CACNA2D3: variants seen among roughly 807,000 people sequenced by gnomAD.
The protein encoded by CACNA2D3 is calcium voltage-gated channel auxiliary subunit alpha2delta 3.
Under a neutral mutation model 160.6 loss-of-function variants are expected in CACNA2D3, and 60 were observed. That is an observed-to-expected ratio of 0.37 (90% confidence interval 0.30 to 0.46). The LOEUF is 0.46. CACNA2D3 is among the 20% of genes least tolerant of loss of function. CACNA2D3 has a pLI of 1.00. For missense variants in CACNA2D3, 1,205 were observed against 1,365.0 expected, an observed-to-expected ratio of 0.88 and a Z score of 1.85; for synonymous variants, 558 against 492.9, an observed-to-expected ratio of 1.13 and a Z score of -1.75.
Position 54,171,136 on chromosome 3 carries a change from C to CTTTTTTTTTTTTTTTTTTTTTTT in CACNA2D3, c.204+47564_204+47565insTTTTTTTTTTTTTTTTTTTTTTT, listed in dbSNP as rs57761171. ...TCTGTTTACATTTTAAAGATGATGA[C>CTTTTTTTTTTTTTTTTTTTTTTT]TTTTTTTTTTTTTTTTTTTTTTAGG... On this transcript the variant is annotated intron_variant, in intron 2 of 37. Transcript: ENST00000474759. Among the ~76,000 whole-genome samples, 37 of 62,558 alleles carry CTTTTTTTTTTTTTTTTTTTTTTT rather than the reference C, an allele frequency of 5.9e-4. 5 individuals are homozygous for CTTTTTTTTTTTTTTTTTTTTTTT. Among genetic ancestry groups the CTTTTTTTTTTTTTTTTTTTTTTT allele is most frequent in the African/African-American group, 7.2e-4 (13 of 18,058 alleles). The allele number at this position is 62,558 out of a possible 152,430, so 41.0% of individuals were successfully genotyped here.
rs771678624 is a variant in CACNA2D3 at position 55,009,481 on chromosome 3, G to C, written c.2875+38G>C. The stretch of plus-strand genomic sequence containing the variant: ...TGGTTTCTGTTTCCCAGCTTGGAGG[G>C]ATAAGCGCTGGGTTCACTGGCTACT... On this transcript the variant is annotated intron_variant, in intron 34 of 37. Transcript: ENST00000474759. 4 of 1,579,716 alleles carry C rather than the reference G, an allele frequency of 2.5e-6. No homozygotes were observed. The South Asian group carries it at 4.4e-5, about 17-fold the overall frequency.
intron 2 of CACNA2D3, among the ~76,000 whole-genome samples, chr3:54,132,686 G>T (rs1346405282): frequency 6.6e-6 from 1 of 152,180 alleles, no homozygotes; most frequent in Non-Finnish European, 1.5e-5. Context: ...TACTTAGAAA[G>T]AAATCAGAGG....
intron 5 of CACNA2D3, among the ~76,000 whole-genome samples, chr3:54,545,649 G>T (rs970720137): frequency 6.6e-6 from 1 of 152,010 alleles, no homozygotes; most frequent in Non-Finnish European, 1.5e-5. Context: ...CAAATTTCTT[G>T]TACAACAATA....
intron 11 of CACNA2D3, among the ~76,000 whole-genome samples, chr3:54,740,007 A>G (rs1701618080): frequency 6.6e-6 from 1 of 152,062 alleles, no homozygotes; most frequent in Non-Finnish European, 1.5e-5. Context: ...TTTAGTATCT[A>G]GCATTTCCAG....
At chr3:54,214,099 A>G (rs150010337) in intron 2 of CACNA2D3, among the ~76,000 whole-genome samples, 82 of 152,336 alleles carry the variant, frequency 5.4e-4, no homozygotes, top group African/African-American at 1.7e-3. Context: ...CCTTCAGAGC[A>G]TCTCGTGGTG....
intron 30 of CACNA2D3, 134 bp from the exon 31 acceptor site, chr3:54,987,549 C>A: frequency 1.8e-6 from 1 of 566,290 alleles, no homozygotes; most frequent in East Asian, 3.0e-5. Context: ...CTGTTAAAAC[C>A]TTTTCCACTT....
chr3:54,545,369 A>G (rs982173872), intron 5 of CACNA2D3, among the ~76,000 whole-genome samples: 1 of 152,120 alleles, frequency 6.6e-6, no homozygotes, highest in African/African-American at 2.4e-5. Flanking sequence ...GTCATATATC[A>G]TTTTTGTAGC....
At chr3:54,161,589 A>C (rs1339485001) in intron 2 of CACNA2D3, among the ~76,000 whole-genome samples, 1 of 152,218 alleles carries the variant, frequency 6.6e-6, no homozygotes, top group East Asian at 1.9e-4. Flanking sequence ...TGTTGATGAC[A>C]AAGTTCTAAG....
At chr3:54,632,697 GGTTGGTGAACATA>G (rs1173130436) in intron 10 of CACNA2D3, 3 of 152,176 alleles carry the variant, frequency 2.0e-5, no homozygotes, top group African/African-American at 7.2e-5. Context: ...TTTCTGTTGA[GGTTGGTGAACATA>G]GCAAGGGAAA....
chr3:54,921,273 C>T (rs1455683614), intron 27 of CACNA2D3, among the ~76,000 whole-genome samples: 2 of 152,122 alleles, frequency 1.3e-5, no homozygotes, highest in African/African-American at 2.4e-5. Context: ...CCCTTGACCA[C>T]GTTGTGCCTC....
chr3:54,594,422 C>T (rs1702915774), intron 9 of CACNA2D3, among the ~76,000 whole-genome samples: 1 of 152,158 alleles, frequency 6.6e-6, no homozygotes, highest in Non-Finnish European at 1.5e-5. Flanking sequence ...AAGGAGAAGT[C>T]TGTTATTAAA....
At chr3:54,659,457 A>T (rs1232262849) in intron 11 of CACNA2D3, among the ~76,000 whole-genome samples, 1 of 151,970 alleles carries the variant, frequency 6.6e-6, no homozygotes, top group Non-Finnish European at 1.5e-5. Context: ...AAGTAACTTG[A>T]CTCCAAAGCC....
chr3:54,526,600 G>C (rs990648280), intron 5 of CACNA2D3, among the ~76,000 whole-genome samples: 3 of 152,114 alleles, frequency 2.0e-5, no homozygotes, highest in Non-Finnish European at 4.4e-5. Flanking sequence ...TTTTCAGAGG[G>C]TAATGCCTTG....
chr3:54,650,153 G>A (rs1224227334), intron 11 of CACNA2D3, among the ~76,000 whole-genome samples: 5 of 151,858 alleles, frequency 3.3e-5, no homozygotes, highest in African/African-American at 1.2e-4. Context: ...TTTTTTTTAG[G>A]GTGATATTTC....
At chr3:54,886,349 G>C (rs1397463403) in intron 23 of CACNA2D3, among the ~76,000 whole-genome samples, 4 of 152,196 alleles carry the variant, frequency 2.6e-5, no homozygotes, top group Admixed American at 6.5e-5. Context: ...GATATGCCCT[G>C]GTGGGGAAAG....
intron 3 of CACNA2D3, among the ~76,000 whole-genome samples, chr3:54,362,024 A>G (rs1338577850): frequency 6.6e-6 from 1 of 152,194 alleles, no homozygotes; most frequent in South Asian, 2.1e-4. Flanking sequence ...TATGCTCAGC[A>G]TTTCCCGTAA....
chr3:54,616,839 A>AC (rs1698862202), intron 9 of CACNA2D3, among the ~76,000 whole-genome samples: 1 of 152,156 alleles, frequency 6.6e-6, no homozygotes, highest in African/African-American at 2.4e-5. Flanking sequence ...TAATAAGAGT[A>AC]CCTACCTTCT....
chr3:54,626,400 C>T, intron 9 of CACNA2D3: 2 of 1,574,874 alleles, frequency 1.3e-6, no homozygotes, highest in Non-Finnish European at 1.7e-6. Flanking sequence ...TGCGCAAGGC[C>T]AAGAAGGAGG....
At chr3:54,365,616 C>G (rs745704551) in intron 3 of CACNA2D3, among the ~76,000 whole-genome samples, 1 of 152,198 alleles carries the variant, frequency 6.6e-6, no homozygotes, top group African/African-American at 2.4e-5. Context: ...GTAATCCCAG[C>G]ACTTTGGGAG....
Sources: allele counts gnomAD v4.1 joint callset (sites outside exome capture counted in the v4.1 genomes callset), GRCh38; gene constraint gnomAD v4.1.1; transcripts MANE v1.5; gene names NCBI Gene and HGNC (gene_info 2026-07-23, HGNC 2026-07-21).